Variants in NRIP1 observed in about 807,000 individuals in gnomAD.
NRIP1 encodes the protein nuclear receptor interacting protein 1.
Under a neutral mutation model 75.0 loss-of-function variants are expected in NRIP1, and 28 were observed. The ratio of observed to expected loss-of-function variants is 0.37; its 90% CI spans 0.28 to 0.51. The LOEUF (loss-of-function observed/expected upper bound fraction) is 0.51, where lower values mean the gene tolerates loss of function less well. Among genes scored for constraint, NRIP1 ranks in the 20% least tolerant of loss-of-function variants. NRIP1 has a pLI of 0.92. For missense variants in NRIP1, 1,435 were observed against 1,343.7 expected, an observed-to-expected ratio of 1.07 and a Z score of -1.06; for synonymous variants, 526 against 487.6, an observed-to-expected ratio of 1.08 and a Z score of -1.04.
At chr21:14,986,856 T>A (rs1476584429) in intron 3 of NRIP1, among the ~76,000 whole-genome samples, 1 of 152,186 alleles carries the variant, frequency 6.6e-6, no homozygotes, top group Non-Finnish European at 1.5e-5. Flanking sequence ...GGCAGCTAAT[T>A]TTTATGAGGT....
At chr21:15,025,403 T>A (rs2088493133) in intron 2 of NRIP1, among the ~76,000 whole-genome samples, 1 of 152,108 alleles carries the variant, frequency 6.6e-6, no homozygotes, top group Non-Finnish European at 1.5e-5. Context: ...GGGGTACTGC[T>A]GGCAAAATCA....
chr21:14,981,865 T>G (rs2087245185), intron 3 of NRIP1, among the ~76,000 whole-genome samples: 1 of 151,120 alleles, frequency 6.6e-6, no homozygotes, highest in East Asian at 1.9e-4. Flanking sequence ...TTTTTTTTTT[T>G]TTTTGAGACA....
Position 14,964,008 on chromosome 21 carries a change from A to T in NRIP1, c.*708T>A, listed in dbSNP as rs920901846. On this transcript the variant is annotated 3_prime_UTR_variant, in exon 4 of 4. Transcript: ENST00000318948. ...TTAGTAAAGTAGTTAAAATACAAAAAATGGAAATCTGCCTTTTTTTTAAAG... is the reference window on the plus strand; with the variant it reads ...TTAGTAAAGTAGTTAAAATACAAAATATGGAAATCTGCCTTTTTTTTAAAG... The T allele has an allele frequency of 6.6e-6, 1 of 152,584 alleles. No homozygotes were observed. Among genetic ancestry groups the T allele is most frequent in the African/African-American group, 2.4e-5 (1 of 41,450 alleles). 9.5% of individuals were successfully genotyped at this position (152,584 alleles called of 1,614,324 possible).
chr21:14,996,035 T>C (rs923253995), intron 3 of NRIP1, among the ~76,000 whole-genome samples: 2 of 152,156 alleles, frequency 1.3e-5, no homozygotes, highest in Non-Finnish European at 2.9e-5. Flanking sequence ...CCAGGCGATG[T>C]CCAACAGAAA....
intron 3 of NRIP1, among the ~76,000 whole-genome samples, chr21:15,004,172 T>C (rs2087912658): frequency 6.6e-6 from 1 of 152,218 alleles, no homozygotes; most frequent in Non-Finnish European, 1.5e-5. Flanking sequence ...CAGTCCAACA[T>C]GTTATCCCCT....
rs577436364 is a variant in NRIP1 at position 14,962,614 on chromosome 21, T to A, written c.*2102A>T. On this transcript the variant is annotated 3_prime_UTR_variant, in exon 4 of 4. Coordinates refer to ENST00000318948, the MANE Select transcript of NRIP1 (RefSeq NM_003489.4). ...AAAAATGACTTGTTTAAAAGCTTATTTATATAGTGTTGACAATAAGATTGT... is the reference window on the plus strand; with the variant it reads ...AAAAATGACTTGTTTAAAAGCTTATATATATAGTGTTGACAATAAGATTGT... 1 of 152,526 alleles carries A rather than the reference T, an allele frequency of 6.6e-6. No homozygotes were observed. Among genetic ancestry groups the A allele is most frequent in the South Asian group, 2.1e-4 (1 of 4,830 alleles). 9.4% of individuals were successfully genotyped at this position (152,526 alleles called of 1,614,324 possible).
At chr21:15,012,588 G>C (rs1177710397) in intron 3 of NRIP1, among the ~76,000 whole-genome samples, 2 of 151,490 alleles carry the variant, frequency 1.3e-5, no homozygotes, top group Non-Finnish European at 2.9e-5. Flanking sequence ...AAATAACTGG[G>C]ACTACAGGCA....
At chr21:15,035,357 G>A (rs1177675485) in intron 2 of NRIP1, among the ~76,000 whole-genome samples, 1 of 152,046 alleles carries the variant, frequency 6.6e-6, no homozygotes, top group African/African-American at 2.4e-5. Context: ...AAGTTTATCA[G>A]AAACAAGTCT....
intron 3 of NRIP1, among the ~76,000 whole-genome samples, chr21:14,975,819 A>G (rs1309745239): frequency 1.3e-5 from 2 of 152,060 alleles, no homozygotes; most frequent in Non-Finnish European, 2.9e-5. Context: ...AATAAATAAT[A>G]AATTCATTGC....
At chr21:15,002,101 C>G (rs772391434) in intron 3 of NRIP1, 1 of 152,178 alleles carries the variant, frequency 6.6e-6, no homozygotes, top group Non-Finnish European at 1.5e-5. Flanking sequence ...ACTTACAGCA[C>G]GTGCCCTAGA....
chr21:15,033,421 G>C (rs1049856891), intron 2 of NRIP1, among the ~76,000 whole-genome samples: 1 of 152,014 alleles, frequency 6.6e-6, no homozygotes, highest in Non-Finnish European at 1.5e-5. Context: ...CAGAGTTGGG[G>C]TTCATACCTA....
chr21:14,970,922 T>C (rs2086887191), intron 3 of NRIP1, among the ~76,000 whole-genome samples: 1 of 152,226 alleles, frequency 6.6e-6, no homozygotes. Flanking sequence ...GAAGTTGATT[T>C]AAAAAGGAAT....
In NRIP1 at chr21:14,968,241, A is replaced by G. The variant is rs2086815221; in HGVS notation, c.-49T>C. ...GCTTGGTTTCTATTCACTTTAAAGA[A>G]TGGTTTTCTGTGGTGAGTGCGATGT... On this transcript the variant is annotated 5_prime_UTR_variant, in exon 4 of 4. Transcript: ENST00000318948. 4.4e-6 allele frequency: 6 copies of G among 1,370,546 alleles called. No individual in the cohort carries two copies. Among genetic ancestry groups the G allele is most frequent in the Non-Finnish European group, 6.0e-6 (6 of 993,724 alleles). The allele number at this position is 1,370,546 out of a possible 1,614,324, so 84.9% of individuals were successfully genotyped here.
At position 15,047,366 on chromosome 21, in the gene NRIP1, C is replaced by T. The variant is rs528851500; in HGVS notation, c.-537-3792G>A. Among the ~76,000 whole-genome samples, 6 of 152,146 alleles carry T rather than the reference C, an allele frequency of 3.9e-5. No individual in the cohort carries two copies. In the East Asian group the frequency reaches 1.2e-3, roughly 29 times the overall value. On this transcript the variant is annotated intron_variant, in intron 1 of 3. Coordinates refer to ENST00000318948, the MANE Select transcript of NRIP1 (RefSeq NM_003489.4). ...ACCATCCTGGCTAACATGGTGAAAC[C>T]CCATCTCTACTAAAAATCAAAAAAT...
Position 14,966,498 on chromosome 21 carries a change from G to A in NRIP1, c.1695C>T (p.Pro565=). Residue 565 remains proline, a synonymous_variant, in exon 4 of 4, where the codon CCC becomes CCT. Coordinates refer to ENST00000318948, the MANE Select transcript of NRIP1 (RefSeq NM_003489.4). ...CCAGAGAGTGTTGAGAGAGATTGAT[G>A]GGAGACCCTGCTTTGCTTGATGTAA... ...PLLTSSKAGS[P]INLSQHSLVI... 6.2e-7 allele frequency: 1 copy of A among 1,614,068 alleles called. No individual in the cohort carries two copies. The highest frequency in any genetic ancestry group is 8.5e-7 in the Non-Finnish European group (1 of 1,179,978).
chr21:15,013,661 T>C (rs1355309880), intron 3 of NRIP1, among the ~76,000 whole-genome samples: 1 of 152,250 alleles, frequency 6.6e-6, no homozygotes, highest in Non-Finnish European at 1.5e-5. Flanking sequence ...GTTGTAGCTA[T>C]ACTAGAAAAC....
chr21:14,970,332 G>C (rs1376628234), intron 3 of NRIP1, among the ~76,000 whole-genome samples: 1 of 152,082 alleles, frequency 6.6e-6, no homozygotes, highest in Non-Finnish European at 1.5e-5. Context: ...GATCGCCTGA[G>C]GTCAGGAGTT....
rs549143424 is a variant in NRIP1, at chr21:15,012,045, C to T, written c.-335+2299G>A. Among the ~76,000 whole-genome samples the T allele has an allele frequency of 5.7e-4, 87 of 152,274 alleles. 2 individuals carry two copies. Among genetic ancestry groups the T allele is most frequent in the South Asian group, 4.8e-3 (23 of 4,820 alleles). ...TTGAGCTTTCAGTCAAAAAAAATTA[C>T]TATACTTAAAAATATAACATGAGTG... On this transcript the variant is annotated intron_variant, in intron 3 of 3. Transcript: ENST00000318948.
intron 2 of NRIP1, among the ~76,000 whole-genome samples, chr21:15,027,787 C>T (rs970921428): frequency 1.2e-4 from 18 of 152,236 alleles, no homozygotes; most frequent in Middle Eastern, 3.4e-3. Flanking sequence ...TAAATCTAAA[C>T]GGGCTTTTTT....
Sources: allele counts gnomAD v4.1 joint callset (sites outside exome capture counted in the v4.1 genomes callset), GRCh38; gene constraint gnomAD v4.1.1; transcripts MANE v1.5; gene names NCBI Gene and HGNC (gene_info 2026-07-23, HGNC 2026-07-21).